The following WWTR1 variants were observed in gnomAD, a reference collection of about 807,000 sequenced individuals.
The protein encoded by WWTR1 is WW domain containing transcription regulator 1.
In WWTR1, 13 loss-of-function variants were observed where a neutral mutation model predicts 40.1. That is an observed-to-expected ratio of 0.32 (90% CI 0.21 to 0.52). The LOEUF (loss-of-function observed/expected upper bound fraction) is 0.52, where lower values mean the gene tolerates loss of function less well. Ranked by LOEUF, WWTR1 falls within the 20% of genes least tolerant of loss-of-function variation. The pLI is 0.97. For missense variants in WWTR1, 436 were observed against 523.1 expected (o/e 0.83, Z 1.63); for synonymous variants, 230 against 210.1 (o/e 1.09, Z -0.82).
chr3:149,599,526 A>G (rs1739151541), intron 2 of WWTR1, among the ~76,000 whole-genome samples: 7 of 152,238 alleles, frequency 4.6e-5, no homozygotes, highest in Admixed American at 4.6e-4. Context: ...GAAACAGTGT[A>G]TAGCTGTTGC....
At chr3:149,719,547 T>C (rs1403612787) in intron 4 of WWTR1, among the ~76,000 whole-genome samples, 2 of 152,228 alleles carry the variant, frequency 1.3e-5, no homozygotes, top group African/African-American at 4.8e-5. Context: ...CCTCTTGGGT[T>C]GCTTCAATGT....
At chr3:149,621,952 T>C (rs1740296753) in intron 2 of WWTR1, among the ~76,000 whole-genome samples, 1 of 152,222 alleles carries the variant, frequency 6.6e-6, no homozygotes, top group South Asian at 2.1e-4. Context: ...CATTGAACTT[T>C]CCTTATCTTT....
At chr3:149,566,823 A>C (rs536767760) in intron 3 of WWTR1, among the ~76,000 whole-genome samples, 46 of 152,110 alleles carry the variant, frequency 3.0e-4, no homozygotes, top group African/African-American at 1.1e-3. Context: ...AAAAAAAAAA[A>C]AAAACACACA....
intron 2 of WWTR1, among the ~76,000 whole-genome samples, chr3:149,634,469 C>T (rs961558329): frequency 2.6e-5 from 4 of 152,174 alleles, no homozygotes; most frequent in African/African-American, 4.8e-5. Flanking sequence ...ACCAAAGTTT[C>T]CTTTTTCACT....
chr3:149,666,555 A>G (rs1009250870), intron 2 of WWTR1, among the ~76,000 whole-genome samples: 1 of 152,198 alleles, frequency 6.6e-6, no homozygotes, highest in Non-Finnish European at 1.5e-5. Context: ...TAGTATTTCA[A>G]CTATGGCAAT....
chr3:149,645,466 A>C (rs1286424498), intron 2 of WWTR1, among the ~76,000 whole-genome samples: 1 of 152,206 alleles, frequency 6.6e-6, no homozygotes, highest in African/African-American at 2.4e-5. Context: ...GCCACTGCTC[A>C]GCCCCTACTT....
chr3:149,530,962 T>C (rs1446484651), intron 4 of WWTR1, among the ~76,000 whole-genome samples: 1 of 148,214 alleles, frequency 6.7e-6, no homozygotes. Flanking sequence ...TGAGATGGAG[T>C]CTCACTCTCT....
intron 5 of WWTR1, among the ~76,000 whole-genome samples, chr3:149,713,509 T>C (rs942895060): frequency 1.3e-5 from 2 of 152,064 alleles, no homozygotes; most frequent in African/African-American, 4.8e-5. Context: ...GCCTCCCAAG[T>C]AGCTGGGATT....
chr3:149,594,950 C>CTTTTTTTTTTTTTT (rs563658190), intron 2 of WWTR1, among the ~76,000 whole-genome samples: 3 of 61,774 alleles, frequency 4.9e-5, no homozygotes, highest in Non-Finnish European at 6.9e-5. Context: ...CTCTTTTTTA[C>CTTTTTTTTTTTTTT]TTTTTTTTTT....
At chr3:149,643,254 C>G in intron 2 of WWTR1, among the ~76,000 whole-genome samples, 1 of 152,204 alleles carries the variant, frequency 6.6e-6, no homozygotes, top group South Asian at 2.1e-4. Flanking sequence ...AAACATTTAT[C>G]TGAAACTACA....
rs771602201 is a variant in WWTR1, at chr3:149,542,343, T to C, written c.763A>G (p.Met255Val). 3 of 1,613,222 alleles carry C rather than the reference T, an allele frequency of 1.9e-6. No individual in the cohort carries two copies. Among genetic ancestry groups the C allele is most frequent in the Non-Finnish European group, 2.5e-6 (3 of 1,179,702 alleles). The change falls in exon 4 of 7, where the codon ATG becomes GTG. Residue 255 changes from methionine to valine, a missense_variant. Transcript: ENST00000360632. ...ERIRMRQEEL[M>V]RQEAALCRQL... ...ACCATGGAAAGCCATACCTGCCTCATGAGCTCCTCTTGGCGCATTCGAATC... is the reference window on the plus strand; with the variant it reads ...ACCATGGAAAGCCATACCTGCCTCACGAGCTCCTCTTGGCGCATTCGAATC...
At chr3:149,651,228 T>C (rs1312153113) in intron 2 of WWTR1, among the ~76,000 whole-genome samples, 1 of 152,130 alleles carries the variant, frequency 6.6e-6, no homozygotes, top group Admixed American at 6.5e-5. Flanking sequence ...AATTTTTAAG[T>C]AAATACGTTC....
chr3:149,686,927 T>C (rs942779308), intron 1 of WWTR1, among the ~76,000 whole-genome samples: 2 of 152,188 alleles, frequency 1.3e-5, no homozygotes, highest in Non-Finnish European at 2.9e-5. Context: ...AGCTCTACAA[T>C]GCCTTTCTTT....
intron 5 of WWTR1, among the ~76,000 whole-genome samples, chr3:149,716,920 T>G (rs1361700961): frequency 6.6e-6 from 1 of 152,192 alleles, no homozygotes; most frequent in Non-Finnish European, 1.5e-5. Context: ...CTCATACCTC[T>G]AATCCTTGCA....
intron 2 of WWTR1, among the ~76,000 whole-genome samples, chr3:149,582,418 T>A (rs1245437737): frequency 6.6e-6 from 1 of 151,992 alleles, no homozygotes; most frequent in African/African-American, 2.4e-5. Context: ...CATGCCAGGA[T>A]CAATAATGCT....
chr3:149,718,318 A>G (rs554496376), intron 4 of WWTR1, among the ~76,000 whole-genome samples: 15 of 152,292 alleles, frequency 9.8e-5, no homozygotes, highest in African/African-American at 3.6e-4. Flanking sequence ...GGAAACAGAT[A>G]GTAGAAAGCA....
At chr3:149,559,697 T>C (rs1008354225) in intron 3 of WWTR1, among the ~76,000 whole-genome samples, 3 of 152,244 alleles carry the variant, frequency 2.0e-5, no homozygotes, top group African/African-American at 7.2e-5. Flanking sequence ...GCCATTGTTC[T>C]GTGGCACTGT....
At chr3:149,640,752 T>C (rs9820339) in intron 2 of WWTR1, among the ~76,000 whole-genome samples, 64,305 of 151,940 alleles carry the variant, frequency 0.42, 15,517 homozygotes, top group Middle Eastern at 0.65. Flanking sequence ...AGAGATATCA[T>C]GCTACTCTTA....
intron 2 of WWTR1, among the ~76,000 whole-genome samples, chr3:149,667,847 C>T (rs1713898408): frequency 6.6e-6 from 1 of 152,158 alleles, no homozygotes; most frequent in African/African-American, 2.4e-5. Context: ...TTCCTCCTAC[C>T]TGCCATCTGT....
Sources: allele counts gnomAD v4.1 joint callset (sites outside exome capture counted in the v4.1 genomes callset), GRCh38; gene constraint gnomAD v4.1.1; transcripts MANE v1.5; gene names NCBI Gene and HGNC (gene_info 2026-07-23, HGNC 2026-07-21).